The following PCDHA11 variants were observed in gnomAD, a reference collection of about 807,000 sequenced individuals.
PCDHA11 encodes the protein protocadherin alpha-11.
Under a neutral mutation model 70.3 loss-of-function variants are expected in PCDHA11, and 61 were observed. The ratio of observed to expected loss-of-function variants is 0.87; its 90% CI spans 0.71 to 1.07. The LOEUF (loss-of-function observed/expected upper bound fraction) is 1.07. PCDHA11 is among the 50% of genes least tolerant of loss of function. The pLI, the probability that PCDHA11 is intolerant of heterozygous loss-of-function variation, is 0.00. For synonymous variants in PCDHA11, 633 were observed against 555.1 expected, an observed-to-expected ratio of 1.14 and a Z score of -1.97; for missense variants, 1,324 against 1,237.5, an observed-to-expected ratio of 1.07 and a Z score of -1.05.
intron 1 of PCDHA11, chr5:140,969,386 C>G (rs782109093): frequency 6.3e-7 from 1 of 1,596,966 alleles, no homozygotes; most frequent in South Asian, 1.1e-5. Flanking sequence ...TACACATCCC[C>G]CAATATCCTG....
At chr5:140,880,045 G>A (rs1345443297) in intron 1 of PCDHA11, among the ~76,000 whole-genome samples, 2 of 152,164 alleles carry the variant, frequency 1.3e-5, no homozygotes, top group Admixed American at 6.5e-5. Flanking sequence ...GGATTAAGAT[G>A]TGGGCATAAC....
intron 1 of PCDHA11, among the ~76,000 whole-genome samples, chr5:140,902,478 T>C (rs190206747): frequency 6.6e-6 from 1 of 152,312 alleles, no homozygotes; most frequent in African/African-American, 2.4e-5. Context: ...AGTTTTTGCC[T>C]GCTCAGTATG....
intron 1 of PCDHA11, among the ~76,000 whole-genome samples, chr5:140,941,319 C>CTT (rs70988781): frequency 9.6e-6 from 1 of 104,394 alleles, no homozygotes; most frequent in African/African-American, 3.7e-5. Flanking sequence ...TCTTCTTTCT[C>CTT]TTTTTTTTTT....
At chr5:140,954,938 GT>G (rs2095112203) in intron 1 of PCDHA11, among the ~76,000 whole-genome samples, 1 of 152,078 alleles carries the variant, frequency 6.6e-6, no homozygotes, top group Admixed American at 6.6e-5. Flanking sequence ...TTAATCTTGA[GT>G]TAATTTTTGT....
rs781959040 is a variant in PCDHA11 at position 140,968,057 on chromosome 5, C to A, written c.2392-10892C>A. 2.5e-6 allele frequency: 4 copies of A among 1,613,992 alleles called. 1 individual carries two copies. Among genetic ancestry groups the A allele is most frequent in the South Asian group, 2.2e-5 (2 of 91,082 alleles). ...GGTGAGCGGCCCACTGGACCGAGAGCGGGTGGCTGTCTACAACATCACGGT... is the reference window on the plus strand; with the variant it reads ...GGTGAGCGGCCCACTGGACCGAGAGAGGGTGGCTGTCTACAACATCACGGT... On this transcript the variant is annotated intron_variant, in intron 1 of 3. Transcript: ENST00000398640.
At chr5:140,931,260 T>G (rs576177407) in intron 1 of PCDHA11, among the ~76,000 whole-genome samples, 1 of 152,156 alleles carries the variant, frequency 6.6e-6, no homozygotes, top group South Asian at 2.1e-4. Context: ...GAAATTTCAC[T>G]ATTTATTTCT....
chr5:140,882,036 G>C, intron 1 of PCDHA11: 1 of 646,228 alleles, frequency 1.5e-6, no homozygotes. Context: ...AAAATATGAA[G>C]ACTGAGTCAT....
intron 1 of PCDHA11, chr5:140,966,488 C>T: frequency 2.3e-6 from 1 of 440,248 alleles, no homozygotes; most frequent in Non-Finnish European, 3.9e-6. Flanking sequence ...TTTCCCTCCC[C>T]CTGGAGCTGT....
intron 1 of PCDHA11, chr5:140,969,110 C>G (rs1380719565): frequency 2.5e-6 from 4 of 1,614,064 alleles, no homozygotes; most frequent in South Asian, 2.2e-5. Context: ...CATTGAAGTT[C>G]GAGGGAATGG....
intron 2 of PCDHA11, among the ~76,000 whole-genome samples, chr5:140,981,563 G>A (rs2096938689): frequency 6.6e-6 from 1 of 152,110 alleles, no homozygotes; most frequent in African/African-American, 2.4e-5. Flanking sequence ...GACAGAGTGA[G>A]GCTTTGTCTC....
At chr5:140,972,708 G>C (rs1309799075) in intron 1 of PCDHA11, among the ~76,000 whole-genome samples, 1 of 146,140 alleles carries the variant, frequency 6.8e-6, no homozygotes, top group East Asian at 2.0e-4. Context: ...TCTGTTGCCA[G>C]GCTGGAGTGC....
intron 1 of PCDHA11, among the ~76,000 whole-genome samples, chr5:140,923,319 A>G (rs1004006693): frequency 1.1e-4 from 16 of 152,264 alleles, no homozygotes; most frequent in African/African-American, 3.9e-4. Flanking sequence ...TTGGCCTAGA[A>G]GTTCAAGGAC....
intron 1 of PCDHA11, among the ~76,000 whole-genome samples, chr5:140,923,036 T>C (rs868918813): frequency 1.3e-5 from 2 of 152,196 alleles, no homozygotes; most frequent in Non-Finnish European, 2.9e-5. Context: ...TATTACTACA[T>C]GTATAGTATT....
chr5:140,905,368 T>G (rs536118800), intron 1 of PCDHA11, among the ~76,000 whole-genome samples: 47 of 152,336 alleles, frequency 3.1e-4, no homozygotes, highest in Non-Finnish European at 4.6e-4. Flanking sequence ...TATTTCTGGT[T>G]CTCTGTTCTG....
intron 3 of PCDHA11, among the ~76,000 whole-genome samples, chr5:140,996,976 G>A (rs573896136): frequency 2.6e-5 from 4 of 152,078 alleles, no homozygotes; most frequent in East Asian, 3.9e-4. Flanking sequence ...CTCCCCTTTG[G>A]TGAAGCAACC....
intron 1 of PCDHA11, chr5:140,877,101 G>T (rs375706181): frequency 6.8e-6 from 11 of 1,613,354 alleles, no homozygotes; most frequent in Non-Finnish European, 9.3e-6. Flanking sequence ...CCGGCGTGCC[G>T]CCTCTGGGCA....
intron 1 of PCDHA11, chr5:140,882,915 A>T: frequency 6.2e-7 from 1 of 1,614,228 alleles, no homozygotes; most frequent in Non-Finnish European, 8.5e-7. Context: ...ACAGCCAGTG[A>T]TGGAGGTAAA....
intron 1 of PCDHA11, among the ~76,000 whole-genome samples, chr5:140,872,998 G>C (rs2054022914): frequency 6.6e-6 from 1 of 152,060 alleles, no homozygotes; most frequent in African/African-American, 2.4e-5. Flanking sequence ...TTACTTCTGA[G>C]TCATTCTTCA....
At chr5:140,973,354 T>A (rs937415600) in intron 1 of PCDHA11, among the ~76,000 whole-genome samples, 4 of 152,202 alleles carry the variant, frequency 2.6e-5, no homozygotes, top group Non-Finnish European at 5.9e-5. Flanking sequence ...AGTAGTGAAT[T>A]TATAAAAATT....
Sources: allele counts gnomAD v4.1 joint callset (sites outside exome capture counted in the v4.1 genomes callset), GRCh38; gene constraint gnomAD v4.1.1; transcripts MANE v1.5; gene names NCBI Gene and HGNC (gene_info 2026-07-23, HGNC 2026-07-21).